ZNF334: variants seen among roughly 807,000 people sequenced by gnomAD.
ZNF334 encodes zinc finger protein 334.
A neutral mutation model predicts 12.4 loss-of-function variants in ZNF334; 14 were observed. The observed-to-expected ratio is 1.13, with a 90% CI of 0.74 to 1.76. The LOEUF (loss-of-function observed/expected upper bound fraction) is 1.76. ZNF334 is among the 40% of genes most tolerant of loss of function. ZNF334 has a pLI of 0.00. For missense variants in ZNF334, 797 were observed against 804.5 expected (o/e 0.99, Z 0.11); for synonymous variants, 273 against 269.6 (o/e 1.01, Z -0.12).
chr20:46,509,244 T>C (rs2061554226), intron 2 of ZNF334, among the ~76,000 whole-genome samples: 1 of 152,238 alleles, frequency 6.6e-6, no homozygotes, highest in African/African-American at 2.4e-5. Flanking sequence ...TAAGTTGTAT[T>C]ATCTATGATC....
downstream of ZNF334, among the ~76,000 whole-genome samples, chr20:46,495,057 T>A (rs974579098): frequency 2.6e-5 from 4 of 152,124 alleles, no homozygotes; most frequent in African/African-American, 9.7e-5. Context: ...AATATTAAAA[T>A]CACATAACAG....
chr20:46,490,377 C>T, the ZNF334 span, among the ~76,000 whole-genome samples: 1 of 152,094 alleles, frequency 6.6e-6, no homozygotes, highest in African/African-American at 2.4e-5. Context: ...TGTATTTACT[C>T]ATAAGTATCC....
chr20:46,476,979 C>G, the ZNF334 span: 1 of 152,092 alleles, frequency 6.6e-6, no homozygotes, highest in African/African-American at 2.4e-5. Flanking sequence ...TCCCATACAC[C>G]GATGGGATTT....
the ZNF334 span, among the ~76,000 whole-genome samples, chr20:46,463,159 ATCGC>A: frequency 6.6e-6 from 1 of 152,198 alleles, no homozygotes; most frequent in East Asian, 1.9e-4. Flanking sequence ...AGGCAGGAGA[ATCGC>A]TTGAACCTAG....
Position 46,504,623 on chromosome 20 carries a change from C to T in ZNF334, c.139G>A (p.Val47Ile). ...GGGAAATAGTCCTTACCCACAGAGA[C>T]CAAGTTGCTGTAGTTCTCCAGCATC... The part of the protein sequence containing the change: ...DVMLENYSNL[V>I]SVGYHVSKPD... The change falls in exon 3 of 5, where the codon GTC (valine) becomes ATC (isoleucine). Residue 47 changes from valine (V) to isoleucine (I), a missense_variant. Coordinates refer to ENST00000692313, the MANE Select transcript of ZNF334 (RefSeq NM_001353824.2). 1.9e-6 allele frequency: 3 copies of T among 1,600,888 alleles called. No homozygotes were observed. The highest frequency in any genetic ancestry group is 2.2e-5 in the East Asian group (1 of 44,690).
intron 4 of ZNF334, 42 bp from the exon 5 acceptor site, chr20:46,503,139 A>G (rs754436853): frequency 6.6e-7 from 1 of 1,526,476 alleles, no homozygotes; most frequent in Non-Finnish European, 8.8e-7. Context: ...GTGAGCCTTT[A>G]TATGTTTGCT....
chr20:46,487,439 G>A, the ZNF334 span, among the ~76,000 whole-genome samples: 361 of 152,128 alleles, frequency 2.4e-3, 2 homozygotes, highest in African/African-American at 6.3e-3. Context: ...TATTCCATTC[G>A]TGTATTTGTC....
chr20:46,483,964 T>C, the ZNF334 span, among the ~76,000 whole-genome samples: 1 of 152,222 alleles, frequency 6.6e-6, no homozygotes, highest in Non-Finnish European at 1.5e-5. Context: ...CAAAGAACTT[T>C]TGACTGTTCA....
chr20:46,501,441 C>T lies in ZNF334; in HGVS notation c.1898G>A (p.Cys633Tyr). 6.2e-7 allele frequency: 1 copy of T among 1,614,070 alleles called. No individual in the cohort carries two copies. Residue 633 changes from cysteine (C) to tyrosine (Y), a missense_variant, in exon 5 of 5, where the codon TGT becomes TAT. Transcript: ENST00000692313. ...CCACAGGCGACGGTAGGTTTTCCCACATTGATTACATTCATATGGTTTCTC... is the reference window on the plus strand; with the variant it reads ...CCACAGGCGACGGTAGGTTTTCCCATATTGATTACATTCATATGGTTTCTC... ...TGEKPYECNQCGKTYRRLWTL... is the reference protein window; with the variant it reads ...TGEKPYECNQYGKTYRRLWTL...
Position 46,502,516 on chromosome 20 carries a change from GAA to G in ZNF334, c.821_822del (p.Phe274SerfsTer20), listed in dbSNP as rs1311519836. The stretch of plus-strand genomic sequence containing the variant: ...TGTCGAGTGAGGCTTGTCTTCACAC[GAA>G]AAGTTTTCCTACAATCACTACAAAC... ...PYVCSDCRKT[F>X]RVKTSLTRHR... On this transcript the variant is annotated frameshift_variant, in exon 5 of 5. Transcript: ENST00000692313. LOFTEE classifies it low-confidence loss of function (END_TRUNC). The G allele has an allele frequency of 1.9e-6, 3 of 1,613,002 alleles. No homozygotes were observed. Among genetic ancestry groups the G allele is most frequent in the African/African-American group, 1.3e-5 (1 of 74,850 alleles).
At chr20:46,508,247 A>G (rs1210969253) in intron 2 of ZNF334, among the ~76,000 whole-genome samples, 1 of 152,246 alleles carries the variant, frequency 6.6e-6, no homozygotes, top group Non-Finnish European at 1.5e-5. Flanking sequence ...TACCCAAAAA[A>G]AGAAATGATG....
chr20:46,499,829 A>G lies in ZNF334; in HGVS notation c.*1467T>C, dbSNP rs938488350. 1 of 152,208 alleles carries G rather than the reference A, an allele frequency of 6.6e-6. No homozygotes were observed. Among genetic ancestry groups the G allele is most frequent in the Non-Finnish European group, 1.5e-5 (1 of 68,030 alleles). The allele number at this position is 152,208 out of a possible 1,614,324, so 9.4% of individuals were successfully genotyped here. The stretch of plus-strand genomic sequence containing the variant: ...AACACATGTATATGTGTGTATACAT[A>G]CATTTATCTGTCCTGAAGGACATAA... On this transcript the variant is annotated 3_prime_UTR_variant, in exon 5 of 5. Transcript: ENST00000692313.
chr20:46,482,716 C>T, the ZNF334 span, among the ~76,000 whole-genome samples: 1 of 152,044 alleles, frequency 6.6e-6, no homozygotes, highest in East Asian at 1.9e-4. Flanking sequence ...CTCCACTTTC[C>T]CATGGCCCAT....
the ZNF334 span, chr20:46,491,612 G>C: frequency 6.5e-6 from 1 of 152,728 alleles, no homozygotes; most frequent in African/African-American, 2.4e-5. Flanking sequence ...CCAGCGCACG[G>C]ATCTTGCTCG....
Position 46,501,974 on chromosome 20 carries a change from A to G in ZNF334, c.1365T>C (p.His455=), listed in dbSNP as rs183432963. 70 of 1,613,978 alleles carry G rather than the reference A, an allele frequency of 4.3e-5. No individual in the cohort carries two copies. The East Asian group carries it at 8.0e-4, about 18-fold the overall frequency. Residue 455 remains histidine, a synonymous_variant, in exon 5 of 5, where the codon CAT becomes CAC. Coordinates refer to ENST00000692313, the MANE Select transcript of ZNF334 (RefSeq NM_001353824.2). ...TACATTCATAAGACTTCTTTCCTCT[A>G]TGAGTTATCTGATGTGCAATGAGGG... The part of the protein sequence containing the change: ...KSALIAHQIT[H]RGKKSYECNE...
At chr20:46,480,762 T>A in the ZNF334 span, among the ~76,000 whole-genome samples, 1 of 152,174 alleles carries the variant, frequency 6.6e-6, no homozygotes, top group Non-Finnish European at 1.5e-5. Context: ...CTCAGATGCA[T>A]GCTGGGCTTG....
rs1181872567 is a variant in ZNF334 at position 46,502,027 on chromosome 20, A to T, written c.1312T>A (p.Cys438Ser). The part of the protein sequence containing the change: ...TGEKPYECSQ[C>S]GKFLCTKSAL... ...GATTTCGTACATAAAAATTTTCCACATTGACTGCATTCATAGGGCTTCTCT... is the reference window on the plus strand; with the variant it reads ...GATTTCGTACATAAAAATTTTCCACTTTGACTGCATTCATAGGGCTTCTCT... The change falls in exon 5 of 5, where the codon TGT becomes AGT. Residue 438 changes from cysteine to serine, a missense_variant. Cys to Ser is a moderately radical substitution (Grantham distance 112). Coordinates refer to ENST00000692313, the MANE Select transcript of ZNF334 (RefSeq NM_001353824.2). 6.2e-7 allele frequency: 1 copy of T among 1,614,118 alleles called. No homozygotes were observed. The highest frequency in any genetic ancestry group is 1.1e-5 in the South Asian group (1 of 91,082).
At chr20:46,511,967 G>T in intron 2 of ZNF334, 115 bp downstream of exon 2, 1 of 1,007,494 alleles carries the variant, frequency 9.9e-7, no homozygotes, top group Non-Finnish European at 1.5e-6. Flanking sequence ...TTCCAGTATT[G>T]ATCGAATACT....
At chr20:46,505,849 A>C (rs1025721486) in intron 2 of ZNF334, 26 of 153,060 alleles carry the variant, frequency 1.7e-4, no homozygotes, top group African/African-American at 6.0e-4. Context: ...AACTGGCTTA[A>C]AGGTCAAATT....
Sources: allele counts gnomAD v4.1 joint callset (sites outside exome capture counted in the v4.1 genomes callset), GRCh38; gene constraint gnomAD v4.1.1; transcripts MANE v1.5; gene names NCBI Gene and HGNC (gene_info 2026-07-23, HGNC 2026-07-21).